Variants in NEGR1 observed in about 807,000 individuals in gnomAD.
NEGR1 encodes the protein IgLON family member 4.
Under a neutral mutation model 40.9 loss-of-function variants are expected in NEGR1, and 10 were observed. The observed-to-expected ratio is 0.24, with a 90% CI of 0.15 to 0.42. The LOEUF (loss-of-function observed/expected upper bound fraction) is 0.42, where lower values mean the gene tolerates loss of function less well. NEGR1 is among the 10% of genes least tolerant of loss of function. The pLI, the probability that NEGR1 is intolerant of heterozygous loss-of-function variation, is 1.00. For missense variants in NEGR1, 352 were observed against 438.9 expected (o/e 0.80, Z 1.77); for synonymous variants, 185 against 166.8 (o/e 1.11, Z -0.84).
intron 6 of NEGR1, among the ~76,000 whole-genome samples, chr1:71,540,196 A>G (rs1436082618): frequency 1.3e-5 from 2 of 151,792 alleles, no homozygotes; most frequent in Non-Finnish European, 2.9e-5. Flanking sequence ...TTCCATTATC[A>G]CAGAAGAATA....
intron 2 of NEGR1, among the ~76,000 whole-genome samples, chr1:71,928,729 C>T (rs1456303838): frequency 6.6e-6 from 1 of 151,790 alleles, no homozygotes; most frequent in African/African-American, 2.4e-5. Context: ...TAGAAAAATG[C>T]AATGCAATGT....
intron 4 of NEGR1, among the ~76,000 whole-genome samples, chr1:71,636,994 G>C (rs1651176120): frequency 6.6e-6 from 1 of 152,026 alleles, no homozygotes; most frequent in Admixed American, 6.6e-5. Flanking sequence ...AGTATGAAAA[G>C]ACAATTTATT....
chr1:71,933,546 G>T (rs1301844472), intron 2 of NEGR1, among the ~76,000 whole-genome samples: 1 of 152,002 alleles, frequency 6.6e-6, no homozygotes. Flanking sequence ...AAAGGGCAGA[G>T]AACTGAACAA....
At position 71,402,023 on chromosome 1, in the gene NEGR1, T is replaced by A. The variant is rs1022514774; in HGVS notation, c.*5423A>T. 1 of 151,854 alleles carries A rather than the reference T, an allele frequency of 6.6e-6. No individual in the cohort carries two copies. The highest frequency in any genetic ancestry group is 2.4e-5 in the African/African-American group (1 of 41,362). The allele number at this position is 151,854 out of a possible 1,614,324, so 9.4% of individuals were successfully genotyped here. Reference sequence around the variant, plus strand: ...TAAAATGTGCTTATATTTATATAAATATATAAATAAAAATATGCAAATAGT... The same window carrying A: ...TAAAATGTGCTTATATTTATATAAAAATATAAATAAAAATATGCAAATAGT... On this transcript the variant is annotated 3_prime_UTR_variant, in exon 7 of 7. Coordinates refer to ENST00000357731, the MANE Select transcript of NEGR1 (RefSeq NM_173808.3).
chr1:72,104,485 A>G (rs1022900586), intron 1 of NEGR1, among the ~76,000 whole-genome samples: 1 of 152,102 alleles, frequency 6.6e-6, no homozygotes, highest in Non-Finnish European at 1.5e-5. Flanking sequence ...AGAAAATTTT[A>G]TCCTTGAGCT....
chr1:71,525,590 T>C (rs1647207497), intron 6 of NEGR1, among the ~76,000 whole-genome samples: 1 of 151,680 alleles, frequency 6.6e-6, no homozygotes, highest in African/African-American at 2.4e-5. Context: ...TCAGACACTG[T>C]ACAGAGAATG....
At chr1:71,673,898 A>C (rs1386111055) in intron 4 of NEGR1, among the ~76,000 whole-genome samples, 1 of 152,124 alleles carries the variant, frequency 6.6e-6, no homozygotes, top group Non-Finnish European at 1.5e-5. Context: ...AGACATGTGG[A>C]CGAATTACAG....
intron 4 of NEGR1, among the ~76,000 whole-genome samples, chr1:71,646,219 A>AACACATATATATACATTC (rs1651524272): frequency 6.6e-6 from 1 of 151,186 alleles, no homozygotes; most frequent in Admixed American, 6.6e-5. Flanking sequence ...CATATACATA[A>AACACATATATATACATTC]ACACATATAT....
chr1:71,719,968 T>G (rs1654447936), intron 3 of NEGR1, among the ~76,000 whole-genome samples: 1 of 152,144 alleles, frequency 6.6e-6, no homozygotes, highest in Admixed American at 6.5e-5. Context: ...TGGATATATC[T>G]CATATAATGC....
chr1:71,827,641 C>T (rs1285215135), intron 2 of NEGR1, among the ~76,000 whole-genome samples: 1 of 151,788 alleles, frequency 6.6e-6, no homozygotes, highest in African/African-American at 2.4e-5. Flanking sequence ...AAAACAATAA[C>T]AAAATTGCTT....
chr1:71,839,065 A>C (rs951623215), intron 2 of NEGR1, among the ~76,000 whole-genome samples: 1 of 151,942 alleles, frequency 6.6e-6, no homozygotes, highest in Non-Finnish European at 1.5e-5. Context: ...TGCTGTGTGC[A>C]TATCTGTGCC....
At chr1:72,076,492 A>C (rs185539740) in intron 1 of NEGR1, among the ~76,000 whole-genome samples, 1 of 151,592 alleles carries the variant, frequency 6.6e-6, no homozygotes, top group African/African-American at 2.4e-5. Flanking sequence ...GTACAACAGA[A>C]ACATTCCCCC....
In NEGR1 at chr1:71,497,978, T is replaced by C. The variant is rs1317525230; in HGVS notation, c.941-90408A>G. 3.3e-5 allele frequency among the ~76,000 whole-genome samples: 5 copies of C among 152,006 alleles called. No individual in the cohort carries two copies. In the East Asian group the frequency reaches 9.6e-4, roughly 29 times the overall value. On this transcript the variant is annotated intron_variant, in intron 6 of 6. Coordinates refer to ENST00000357731, the MANE Select transcript of NEGR1 (RefSeq NM_173808.3). Reference sequence around the variant, plus strand: ...TTGCAGAAACAAATGTACACTGAATTAAAACTTAGGAGCTGATAGCTTCCA... The same window carrying C: ...TTGCAGAAACAAATGTACACTGAATCAAAACTTAGGAGCTGATAGCTTCCA...
At chr1:72,174,414 T>C (rs1292254222) in intron 1 of NEGR1, among the ~76,000 whole-genome samples, 2 of 152,210 alleles carry the variant, frequency 1.3e-5, no homozygotes, top group Non-Finnish European at 2.9e-5. Flanking sequence ...GATAAATGTA[T>C]AATGACATGT....
intron 3 of NEGR1, among the ~76,000 whole-genome samples, chr1:71,725,435 G>T (rs1033093990): frequency 2.0e-5 from 3 of 152,062 alleles, no homozygotes; most frequent in African/African-American, 7.2e-5. Flanking sequence ...TTAAGGAAAT[G>T]AGTTAACTAC....
rs1157020972 is a variant in NEGR1 at position 71,733,072 on chromosome 1, C to CTTT, written c.536-34936_536-34934dup. Among the ~76,000 whole-genome samples, 84 of 140,480 alleles carry CTTT rather than the reference C, an allele frequency of 6.0e-4. No individual in the cohort carries two copies. The South Asian group carries it at 6.1e-3, about 10-fold the overall frequency. The allele number at this position is 140,480 out of a possible 152,430, so 92.2% of individuals were successfully genotyped here. A position where few individuals can be genotyped will look rare whatever the true frequency, so the allele number is the denominator to read the frequency against. ...AGTCAAATATGGTCACAGGATAGCTCTTTTTTTTTTTTTTTCCTACAGATC... is the reference window on the plus strand; with the variant it reads ...AGTCAAATATGGTCACAGGATAGCTCTTTTTTTTTTTTTTTTTTCCTACAGATC... On this transcript the variant is annotated intron_variant, in intron 3 of 6. Coordinates refer to ENST00000357731, the MANE Select transcript of NEGR1 (RefSeq NM_173808.3).
At chr1:72,124,995 A>G (rs775556551) in intron 1 of NEGR1, among the ~76,000 whole-genome samples, 17 of 152,142 alleles carry the variant, frequency 1.1e-4, no homozygotes, top group Non-Finnish European at 1.8e-4. Flanking sequence ...CGTATATAAA[A>G]GTCAAAAGTT....
At chr1:71,969,124 C>T (rs1199501657) in intron 1 of NEGR1, among the ~76,000 whole-genome samples, 2 of 152,032 alleles carry the variant, frequency 1.3e-5, no homozygotes, top group South Asian at 2.1e-4. Context: ...AAGCGATTCT[C>T]CTGCCTCAGC....
At chr1:72,276,250 G>C (rs1557610248) in intron 1 of NEGR1, among the ~76,000 whole-genome samples, 1 of 152,010 alleles carries the variant, frequency 6.6e-6, no homozygotes, top group Non-Finnish European at 1.5e-5. Flanking sequence ...CAGTCAAATG[G>C]TTCAATTAGG....
Sources: allele counts gnomAD v4.1 joint callset (sites outside exome capture counted in the v4.1 genomes callset), GRCh38; gene constraint gnomAD v4.1.1; transcripts MANE v1.5; gene names NCBI Gene and HGNC (gene_info 2026-07-23, HGNC 2026-07-21).